The following RIMS2 variants were observed in gnomAD, a reference collection of about 807,000 sequenced individuals.
RIMS2 encodes the protein regulating synaptic membrane exocytosis protein 2.
In RIMS2, 59 loss-of-function variants were observed where a neutral mutation model predicts 174.4. The ratio of observed to expected loss-of-function variants is 0.34; its 90% confidence interval spans 0.27 to 0.42. The LOEUF is 0.42. Ranked by LOEUF, RIMS2 falls within the 10% of genes least tolerant of loss-of-function variation. The probability of loss-of-function intolerance (pLI) is 1.00; values close to 1 mark genes in which losing one functional copy is unlikely to be tolerated. For synonymous variants in RIMS2, 606 were observed against 572.5 expected (o/e 1.06, Z -0.84); for missense variants, 1,620 against 1,666.3 (o/e 0.97, Z 0.48).
chr8:104,042,523 G>T (rs1351241010), intron 19 of RIMS2, among the ~76,000 whole-genome samples: 1 of 151,512 alleles, frequency 6.6e-6, no homozygotes, highest in Non-Finnish European at 1.5e-5. Context: ...AGTAGAGGCA[G>T]TCAATACATG....
chr8:103,804,355 A>G (rs781596648), intron 3 of RIMS2, among the ~76,000 whole-genome samples: 13 of 152,230 alleles, frequency 8.5e-5, no homozygotes, highest in Non-Finnish European at 1.6e-4. Flanking sequence ...TGGGGATTCT[A>G]CTGAGGGCAC....
chr8:103,937,536 A>G (rs2081545417), intron 13 of RIMS2, among the ~76,000 whole-genome samples: 1 of 152,248 alleles, frequency 6.6e-6, no homozygotes, highest in Admixed American at 6.5e-5. Context: ...ATACAGACAC[A>G]TGAATAGCAA....
exon 12 of RIMS2, chr8:103,931,326 C>G: frequency 6.2e-7 from 1 of 1,604,560 alleles, no homozygotes. Flanking sequence ...AGCAAAAGAT[C>G]TCCCTTCCAG....
intron 19 of RIMS2, among the ~76,000 whole-genome samples, chr8:104,063,084 A>G (rs1374994152): frequency 1.3e-5 from 2 of 151,984 alleles, no homozygotes; most frequent in African/African-American, 4.8e-5. Flanking sequence ...TTTGTTATCA[A>G]TTATTTGGAT....
intron 19 of RIMS2, among the ~76,000 whole-genome samples, chr8:104,206,349 A>G (rs985976624): frequency 2.0e-5 from 3 of 152,242 alleles, no homozygotes; most frequent in Non-Finnish European, 4.4e-5. Context: ...GAAACAAAAA[A>G]TTCAAACTGT....
chr8:103,661,883 G>A (rs1589868553), intron 1 of RIMS2, among the ~76,000 whole-genome samples: 1 of 152,162 alleles, frequency 6.6e-6, no homozygotes, highest in Non-Finnish European at 1.5e-5. Context: ...GAGAAAAGGA[G>A]TGATATGATA....
intron 1 of RIMS2, among the ~76,000 whole-genome samples, chr8:103,581,065 G>A (rs1000274227): frequency 5.9e-5 from 9 of 151,768 alleles, no homozygotes; most frequent in Admixed American, 3.3e-4. Context: ...TGATCTGCCC[G>A]CCTCGGCCTC....
At chr8:103,500,862 C>T (rs1349782148) in exon 1 of RIMS2, 1 of 1,554,338 alleles carries the variant, frequency 6.4e-7, no homozygotes, top group Non-Finnish European at 8.7e-7. Flanking sequence ...CCCCGCTTCC[C>T]TAGGGTGGTT....
intron 2 of RIMS2, among the ~76,000 whole-genome samples, chr8:103,735,437 C>T (rs1172220914): frequency 6.6e-6 from 1 of 152,032 alleles, no homozygotes; most frequent in African/African-American, 2.4e-5. Flanking sequence ...TCCTTTACAT[C>T]ATTAATAATT....
At chr8:103,863,393 A>G (rs2154502102) in intron 3 of RIMS2, among the ~76,000 whole-genome samples, 1 of 152,184 alleles carries the variant, frequency 6.6e-6, no homozygotes, top group Admixed American at 6.5e-5. Flanking sequence ...TTCATCAAGA[A>G]TATTGGCCCG....
intron 3 of RIMS2, among the ~76,000 whole-genome samples, chr8:103,785,348 A>C (rs2098433988): frequency 6.8e-6 from 1 of 147,100 alleles, no homozygotes; most frequent in Admixed American, 6.8e-5. Flanking sequence ...GTCTTGTGCC[A>C]GTTTTCAAAG....
At chr8:103,648,872 GT>G (rs1243330205) in intron 1 of RIMS2, among the ~76,000 whole-genome samples, 1 of 152,166 alleles carries the variant, frequency 6.6e-6, no homozygotes, top group African/African-American at 2.4e-5. Context: ...CAGCATACCA[GT>G]GGGTCTTGGC....
chr8:104,186,532 G>A (rs2098968823), intron 19 of RIMS2, among the ~76,000 whole-genome samples: 1 of 151,762 alleles, frequency 6.6e-6, no homozygotes, highest in South Asian at 2.1e-4. Flanking sequence ...AGGATACAGT[G>A]TGCAGAAACA....
At chr8:103,912,235 G>C in intron 6 of RIMS2, 63 bp downstream of exon 9, 1 of 1,329,096 alleles carries the variant, frequency 7.5e-7, no homozygotes, top group Non-Finnish European at 1.0e-6. Context: ...GAAAAGCAAA[G>C]GATAACTCTT....
chr8:103,972,504 A>G (rs1025170409), intron 15 of RIMS2, among the ~76,000 whole-genome samples: 3 of 152,316 alleles, frequency 2.0e-5, no homozygotes, highest in Non-Finnish European at 4.4e-5. Flanking sequence ...ATGGGTTAAA[A>G]TCACTCAGAT....
intron 19 of RIMS2, among the ~76,000 whole-genome samples, chr8:104,212,708 T>G (rs960279805): frequency 1.3e-5 from 2 of 152,204 alleles, no homozygotes; most frequent in African/African-American, 4.8e-5. Flanking sequence ...TGTACTTCAC[T>G]AATTAGTAAG....
intron 15 of RIMS2, among the ~76,000 whole-genome samples, chr8:103,962,105 T>TC (rs2090319849): frequency 6.6e-6 from 1 of 152,146 alleles, no homozygotes; most frequent in African/African-American, 2.4e-5. Context: ...CTATTCCATT[T>TC]CTTATCTTTT....
chr8:103,770,118 G>T (rs1358893399), intron 3 of RIMS2, among the ~76,000 whole-genome samples: 1 of 152,162 alleles, frequency 6.6e-6, no homozygotes, highest in African/African-American at 2.4e-5. Flanking sequence ...ACAGCAAGGG[G>T]TCAGCAAACT....
At chr8:104,230,055 G>C (rs1330704155) in intron 19 of RIMS2, among the ~76,000 whole-genome samples, 1 of 152,028 alleles carries the variant, frequency 6.6e-6, no homozygotes, top group East Asian at 1.9e-4. Flanking sequence ...TGAGGTGGGC[G>C]GATCACCTGA....
Sources: allele counts gnomAD v4.1 joint callset (sites outside exome capture counted in the v4.1 genomes callset), GRCh38; gene constraint gnomAD v4.1.1; transcripts MANE v1.5; gene names NCBI Gene and HGNC (gene_info 2026-07-23, HGNC 2026-07-21).